EXD2: variants seen among roughly 807,000 people sequenced by gnomAD.
EXD2 encodes the protein exonuclease 3'-5' domain-containing protein 2.
EXD2 carries 40 observed loss-of-function variants against 62.5 expected under a neutral mutation model. The observed-to-expected ratio is 0.64, with a 90% CI of 0.50 to 0.83. The LOEUF (loss-of-function observed/expected upper bound fraction) is 0.83. EXD2 is among the 40% of genes least tolerant of loss of function. The probability of loss-of-function intolerance (pLI) is 0.00; values close to 1 mark genes in which losing one functional copy is unlikely to be tolerated. For missense variants in EXD2, 671 were observed against 761.8 expected (o/e 0.88, Z 1.40); for synonymous variants, 239 against 291.9 (o/e 0.82, Z 1.85).
At chr14:69,232,352 C>A (rs1213780212) in intron 5 of EXD2, among the ~76,000 whole-genome samples, 6 of 152,150 alleles carry the variant, frequency 3.9e-5, no homozygotes, top group Non-Finnish European at 8.8e-5. Context: ...TTATGCTTTC[C>A]TGGTCTCTGT....
chr14:69,202,955 G>A (rs1406220180), intron 1 of EXD2, among the ~76,000 whole-genome samples: 1 of 152,216 alleles, frequency 6.6e-6, no homozygotes, highest in Non-Finnish European at 1.5e-5. Context: ...ATGAGATTCT[G>A]TTACTTAAAA....
chr14:69,207,146 TACTC>T (rs1216619422), intron 2 of EXD2, among the ~76,000 whole-genome samples: 12 of 152,344 alleles, frequency 7.9e-5, no homozygotes, highest in Admixed American at 4.6e-4. Context: ...TCTTCTCTAA[TACTC>T]ACATATCTCT....
intron 2 of EXD2, among the ~76,000 whole-genome samples, chr14:69,207,495 TA>T (rs78409593): frequency 3.3e-5 from 5 of 150,024 alleles, no homozygotes; most frequent in Middle Eastern, 3.4e-3. Flanking sequence ...CTCCATCTAA[TA>T]AAAAAAAAAT....
chr14:69,236,312 A>AT, intron 7 of EXD2, 95 bp from the exon 8 acceptor site: 1 of 1,593,660 alleles, frequency 6.3e-7, no homozygotes, highest in Non-Finnish European at 8.6e-7. Flanking sequence ...GTTCTCTGCC[A>AT]GGCCATAGCA....
At chr14:69,237,530 T>C in intron 8 of EXD2, 45 bp from the exon 9 acceptor site, 1 of 1,580,318 alleles carries the variant, frequency 6.3e-7, no homozygotes, top group Non-Finnish European at 8.7e-7. Flanking sequence ...CCATGTGCTC[T>C]GTCATACACT....
intron 6 of EXD2, chr14:69,235,631 A>G (rs1203166015): frequency 1.1e-5 from 3 of 270,534 alleles, no homozygotes; most frequent in Non-Finnish European, 2.1e-5. Flanking sequence ...AATTGAAGGA[A>G]GTGTTACTGC....
chr14:69,192,073 C>T (rs994832360), intron 1 of EXD2: 3 of 152,344 alleles, frequency 2.0e-5, no homozygotes, highest in African/African-American at 7.2e-5. Flanking sequence ...TCCCTGTCCT[C>T]CCAGACCACA....
At chr14:69,215,298 A>ATGTG (rs61469385) in intron 3 of EXD2, among the ~76,000 whole-genome samples, 6,570 of 102,020 alleles carry the variant, frequency 0.064, 174 homozygotes, top group South Asian at 0.12. Flanking sequence ...TCAAAAATAT[A>ATGTG]TGTGTGTGTG....
Position 69,234,762 on chromosome 14 carries a change from C to T in EXD2, c.780C>T (p.Tyr260=). 6.2e-7 allele frequency: 1 copy of T among 1,614,076 alleles called. No homozygotes were observed. The highest frequency in any genetic ancestry group is 1.1e-5 in the South Asian group (1 of 91,076). The change falls in exon 6 of 10, where the codon TAC becomes TAT. Residue 260 remains tyrosine, a synonymous_variant. Coordinates refer to ENST00000685843, the MANE Select transcript of EXD2 (RefSeq NM_001193360.2). ...SVALFLHLLG[Y]PFSRNSPGEK... Reference sequence around the variant, plus strand: ...CTCTCTTTCTTCATCTTCTTGGATACCCTTTCTCTAGGAATTCACCTGGAG... The same window carrying T: ...CTCTCTTTCTTCATCTTCTTGGATATCCTTTCTCTAGGAATTCACCTGGAG...
At chr14:69,212,246 A>G (rs2042828877) in intron 3 of EXD2, among the ~76,000 whole-genome samples, 1 of 151,976 alleles carries the variant, frequency 6.6e-6, no homozygotes, top group Non-Finnish European at 1.5e-5. Context: ...GCGTGGTAGC[A>G]GGCGCCTGTA....
intron 2 of EXD2, among the ~76,000 whole-genome samples, chr14:69,205,990 C>T (rs1416611039): frequency 6.6e-6 from 1 of 152,028 alleles, no homozygotes; most frequent in East Asian, 1.9e-4. Flanking sequence ...GTGATCTTGG[C>T]TCACTGCAAT....
In EXD2 at chr14:69,230,421, G is replaced by T. The variant is rs1407798417; in HGVS notation, c.591-51G>T. ...TTTATATGTCTTTTTTGATTTTCTT[G>T]TCCATGTCCTTTGCCCGTTTTTGAT... On this transcript the variant is annotated intron_variant, in intron 4 of 9. Transcript: ENST00000685843. 1.7e-5 allele frequency: 22 copies of T among 1,324,946 alleles called. No individual in the cohort carries two copies. The Admixed American group carries it at 2.3e-4, about 14-fold the overall frequency. The allele number at this position is 1,324,946 out of a possible 1,614,324, so 82.1% of individuals were successfully genotyped here.
At position 69,228,900 on chromosome 14, in the gene EXD2, AAGCTAATCTGTGG is replaced by A. The variant is rs1312464509; in HGVS notation, c.421_433del (p.Leu141GlufsTer18). ...CCTGTGTGTCTTGGTTCGCCTGCCC[AAGCTAATCTGTGG>A]AGGAAAAACACTACCAAGAACGTTA... On this transcript the variant is annotated frameshift_variant, in exon 4 of 10. Coordinates refer to ENST00000685843, the MANE Select transcript of EXD2 (RefSeq NM_001193360.2). LOFTEE classifies it high-confidence loss of function. The A allele has an allele frequency of 6.2e-7, 1 of 1,613,986 alleles. No homozygotes were observed. Among genetic ancestry groups the A allele is most frequent in the African/African-American group, 1.3e-5 (1 of 74,888 alleles).
chr14:69,235,688 A>T (rs2043756678), intron 6 of EXD2: 1 of 316,090 alleles, frequency 3.2e-6, no homozygotes, highest in African/African-American at 2.2e-5. Flanking sequence ...CTTTGGCTTG[A>T]ACTTTAAAAT....
intron 2 of EXD2, among the ~76,000 whole-genome samples, chr14:69,207,478 C>T (rs1375270523): frequency 6.6e-6 from 1 of 151,770 alleles, no homozygotes; most frequent in Admixed American, 6.6e-5. Context: ...TGGGCGACGG[C>T]GAGAGACTCC....
intron 3 of EXD2, among the ~76,000 whole-genome samples, chr14:69,217,433 C>T (rs2043020790): frequency 6.6e-6 from 1 of 152,128 alleles, no homozygotes; most frequent in Non-Finnish European, 1.5e-5. Flanking sequence ...TTTCACTTAA[C>T]ATAATGTCTT....
At chr14:69,194,543 T>G (rs1273159399) in intron 1 of EXD2, among the ~76,000 whole-genome samples, 1 of 152,138 alleles carries the variant, frequency 6.6e-6, no homozygotes, top group Non-Finnish European at 1.5e-5. Context: ...GATGAGTTTT[T>G]GCTATGTTGT....
At chr14:69,233,900 G>C (rs1164085295) in intron 5 of EXD2, among the ~76,000 whole-genome samples, 1 of 151,856 alleles carries the variant, frequency 6.6e-6, no homozygotes, top group African/African-American at 2.4e-5. Flanking sequence ...CTGAGTAGCT[G>C]GGATTACAGG....
intron 9 of EXD2, among the ~76,000 whole-genome samples, chr14:69,239,818 T>A (rs1594787719): frequency 6.6e-6 from 1 of 152,236 alleles, no homozygotes; most frequent in Non-Finnish European, 1.5e-5. Flanking sequence ...GTCAGGCTGG[T>A]CTCGAACTCC....
Sources: gnomAD v4.1 joint callset for allele counts (sites outside exome capture counted in the v4.1 genomes callset) on GRCh38, gnomAD v4.1.1 for gene constraint, MANE v1.5 for transcripts, NCBI Gene and HGNC (gene_info 2026-07-23, HGNC 2026-07-21) for gene names.